SGPL1: variants seen among roughly 807,000 people sequenced by gnomAD.
SGPL1 encodes SP-lyase 1.
A neutral mutation model predicts 68.9 loss-of-function variants in SGPL1; 37 were observed. The observed-to-expected ratio is 0.54, with a 90% confidence interval of 0.41 to 0.71. The LOEUF is 0.71. SGPL1 is among the 30% of genes least tolerant of loss of function. The pLI is 0.00. For synonymous variants in SGPL1, 236 were observed against 248.5 expected (o/e 0.95, Z 0.47); for missense variants, 551 against 704.6 (o/e 0.78, Z 2.47).
intron 11 of SGPL1, 96 bp downstream of exon 11, chr10:70,872,082 T>C (rs1846308098): frequency 8.1e-7 from 1 of 1,233,174 alleles, no homozygotes; most frequent in East Asian, 2.5e-5. Context: ...TAAAATTAAC[T>C]ATAGAATTCT....
intron 2 of SGPL1, among the ~76,000 whole-genome samples, chr10:70,830,203 T>C (rs1386384735): frequency 1.3e-5 from 2 of 152,192 alleles, no homozygotes; most frequent in Non-Finnish European, 2.9e-5. Context: ...TGTTAGGTCA[T>C]GATGCTTTTT....
Position 70,875,464 on chromosome 10 carries a change from G to T in SGPL1, c.1361G>T (p.Gly454Val). 6.2e-7 allele frequency: 1 copy of T among 1,612,848 alleles called. No homozygotes were observed. Among genetic ancestry groups the T allele is most frequent in the Non-Finnish European group, 8.5e-7 (1 of 1,178,902 alleles). ...CCCCAATTGTCAGTCATTGCTCTGG[G>T]ATCCCGTGATTTTGACATCTACCGA... is the stretch of plus-strand genomic sequence containing the variant. ...GNPQLSVIAL[G>V]SRDFDIYRLS... is the part of the protein sequence containing the mutation. Residue 454 changes from glycine to valine, a missense_variant, in exon 13 of 15, where the codon GGA (glycine) becomes GTA (valine). Coordinates refer to ENST00000373202, the MANE Select transcript of SGPL1 (RefSeq NM_003901.4).
chr10:70,871,950 G>A lies in SGPL1; in HGVS notation c.1023G>A (p.Val341=). Reference sequence around the variant, plus strand: ...TGGAGCACCCATTTGATTTCCGGGTGAAAGGTGTAACCAGCATTTCAGCTG... The same window carrying A: ...TGGAGCACCCATTTGATTTCCGGGTAAAAGGTGTAACCAGCATTTCAGCTG... ...YPLEHPFDFR[V]KGVTSISADT... Residue 341 remains valine (V), a synonymous_variant, in exon 11 of 15, where the codon GTG becomes GTA. Coordinates refer to ENST00000373202, the MANE Select transcript of SGPL1 (RefSeq NM_003901.4). The A allele has an allele frequency of 6.2e-7, 1 of 1,614,182 alleles. No homozygotes were observed. Among genetic ancestry groups the A allele is most frequent in the South Asian group, 1.1e-5 (1 of 91,082 alleles).
At chr10:70,868,571 C>A (rs1288717513) in intron 8 of SGPL1, 138 bp downstream of exon 8, 8 of 678,636 alleles carry the variant, frequency 1.2e-5, no homozygotes, top group African/African-American at 3.6e-5. Flanking sequence ...CCTGTCCTAG[C>A]CCCTCTGCCC....
chr10:70,826,993 G>A (rs1291224326), intron 2 of SGPL1, among the ~76,000 whole-genome samples: 1 of 152,074 alleles, frequency 6.6e-6, no homozygotes, highest in Non-Finnish European at 1.5e-5. Context: ...TGTTATGAGC[G>A]TTCTTATATA....
chr10:70,831,882 A>G (rs556381616), intron 2 of SGPL1, among the ~76,000 whole-genome samples: 1 of 152,014 alleles, frequency 6.6e-6, no homozygotes, highest in Non-Finnish European at 1.5e-5. Context: ...ATGGGGCACA[A>G]CCCTCCCAGG....
chr10:70,870,972 A>G, intron 9 of SGPL1, 76 bp from the exon 10 acceptor site: 2 of 1,279,972 alleles, frequency 1.6e-6, no homozygotes, highest in South Asian at 1.2e-5. Flanking sequence ...CTAGCAGCCC[A>G]AATTGCTCTT....
Position 70,869,898 on chromosome 10 carries a change from G to C in SGPL1, c.810+1G>C. Reference sequence around the variant, plus strand: ...GAAGATGATGGAGGTGGATGTGCGGGTGAGTCCCTCTGGAGGGCCCACTGT... The same window carrying C: ...GAAGATGATGGAGGTGGATGTGCGGCTGAGTCCCTCTGGAGGGCCCACTGT... On this transcript the variant is annotated splice_donor_variant, in intron 9 of 14. Coordinates refer to ENST00000373202, the MANE Select transcript of SGPL1 (RefSeq NM_003901.4). LOFTEE classifies it high-confidence loss of function. 6.2e-7 allele frequency: 1 copy of C among 1,613,136 alleles called. No individual in the cohort carries two copies. The highest frequency in any genetic ancestry group is 2.2e-5 in the East Asian group (1 of 44,858).
chr10:70,837,453 G>A (rs567470391), intron 2 of SGPL1, among the ~76,000 whole-genome samples: 1 of 152,262 alleles, frequency 6.6e-6, no homozygotes, highest in Non-Finnish European at 1.5e-5. Context: ...TTCTAAATTA[G>A]TTTTATTCCC....
At chr10:70,828,247 C>T (rs570264457) in intron 2 of SGPL1, among the ~76,000 whole-genome samples, 13 of 152,338 alleles carry the variant, frequency 8.5e-5, no homozygotes, top group Admixed American at 4.6e-4. Context: ...AAATTTCTGT[C>T]ATCTGCATAC....
rs1484752528 is a variant in SGPL1 at position 70,877,881 on chromosome 10, C to G, written c.*546C>G. 7.7e-6 allele frequency: 1 copy of G among 129,326 alleles called. No individual in the cohort carries two copies. The highest frequency in any genetic ancestry group is 1.5e-5 in the Non-Finnish European group (1 of 64,566). The allele number at this position is 129,326 out of a possible 1,614,324, so 8.0% of individuals were successfully genotyped here. On this transcript the variant is annotated 3_prime_UTR_variant, in exon 15 of 15. Coordinates refer to ENST00000373202, the MANE Select transcript of SGPL1 (RefSeq NM_003901.4). ...CCAGTCTGGAGTGCAGTGGCATGAT[C>G]TCAGCTCACTGCAACCTCCACCCAC...
chr10:70,825,074 C>T (rs536751425), intron 2 of SGPL1, among the ~76,000 whole-genome samples: 2 of 151,128 alleles, frequency 1.3e-5, no homozygotes, highest in African/African-American at 2.4e-5. Flanking sequence ...AAGTGATTCT[C>T]CTGCCTCAGC....
intron 2 of SGPL1, chr10:70,820,131 A>G (rs1267277513): frequency 6.6e-6 from 1 of 152,252 alleles, no homozygotes; most frequent in Non-Finnish European, 1.5e-5. Context: ...AAGTGTAGGA[A>G]TACTGTACTT....
chr10:70,852,105 T>G (rs973757692), intron 4 of SGPL1, among the ~76,000 whole-genome samples: 1 of 152,200 alleles, frequency 6.6e-6, no homozygotes, highest in African/African-American at 2.4e-5. Flanking sequence ...AATCTTCATC[T>G]CCTCCAGTGC....
Position 70,877,495 on chromosome 10 carries a change from T to C in SGPL1, c.*160T>C. ...AGCCTCAGGATTCTTGTTCTTCCTC[T>C]TATCTTCCTTTTGTGGTTTTTAATT... On this transcript the variant is annotated 3_prime_UTR_variant, in exon 15 of 15. Coordinates refer to ENST00000373202, the MANE Select transcript of SGPL1 (RefSeq NM_003901.4). 1 of 567,998 alleles carries C rather than the reference T, an allele frequency of 1.8e-6. No homozygotes were observed. Among genetic ancestry groups the C allele is most frequent in the Non-Finnish European group, 3.0e-6 (1 of 330,406 alleles). The allele number at this position is 567,998 out of a possible 1,614,324, so 35.2% of individuals were successfully genotyped here.
At chr10:70,840,398 G>A (rs919972403) in intron 2 of SGPL1, among the ~76,000 whole-genome samples, 1 of 152,032 alleles carries the variant, frequency 6.6e-6, no homozygotes, top group Non-Finnish European at 1.5e-5. Flanking sequence ...CCAGCCTGGG[G>A]TTTGTGCTGT....
intron 7 of SGPL1, among the ~76,000 whole-genome samples, chr10:70,860,721 T>A (rs1485649653): frequency 6.6e-6 from 1 of 152,224 alleles, no homozygotes; most frequent in African/African-American, 2.4e-5. Flanking sequence ...ATATATCTTA[T>A]GACCCAGAAA....
intron 7 of SGPL1, chr10:70,860,614 A>G (rs1270254923): frequency 2.5e-5 from 9 of 356,968 alleles, no homozygotes; most frequent in Non-Finnish European, 5.0e-5. Context: ...TACTTACAGT[A>G]TATTCTCCTA....
intron 5 of SGPL1, 69 bp downstream of exon 5, chr10:70,854,924 C>A: frequency 7.3e-7 from 1 of 1,360,758 alleles, no homozygotes; most frequent in South Asian, 1.6e-5. Flanking sequence ...GTTTAATGTT[C>A]ACATAGGTTA....
Sources: allele counts gnomAD v4.1 joint callset (sites outside exome capture counted in the v4.1 genomes callset), GRCh38; gene constraint gnomAD v4.1.1; transcripts MANE v1.5; gene names NCBI Gene and HGNC (gene_info 2026-07-23, HGNC 2026-07-21).